Variants in MSANTD2 observed in about 807,000 individuals in gnomAD.
MSANTD2 encodes myb/SANT-like DNA-binding domain-containing protein 2.
A neutral mutation model predicts 52.6 loss-of-function variants in MSANTD2; 19 were observed. The ratio of observed to expected loss-of-function variants is 0.36; its 90% CI spans 0.25 to 0.53. MSANTD2 has a LOEUF of 0.53. MSANTD2 is among the 20% of genes least tolerant of loss of function. MSANTD2 has a pLI of 0.91. For synonymous variants in MSANTD2, 291 were observed against 289.7 expected (o/e 1.00, Z -0.04); for missense variants, 558 against 716.3 (o/e 0.78, Z 2.52).
chr11:124,794,408 C>T (rs937750649), intron 1 of MSANTD2, among the ~76,000 whole-genome samples: 10 of 152,174 alleles, frequency 6.6e-5, no homozygotes, highest in Admixed American at 3.9e-4. Flanking sequence ...CATCAAGCAT[C>T]TGTCAAATTC....
At chr11:124,796,415 T>G (rs1945495586) in intron 1 of MSANTD2, among the ~76,000 whole-genome samples, 1 of 152,192 alleles carries the variant, frequency 6.6e-6, no homozygotes, top group African/African-American at 2.4e-5. Context: ...AAGAAATTAT[T>G]TACTGGGTTT....
intron 1 of MSANTD2, among the ~76,000 whole-genome samples, chr11:124,796,509 T>TG (rs2135275285): frequency 6.6e-6 from 1 of 152,276 alleles, no homozygotes; most frequent in South Asian, 2.1e-4. Context: ...ACAGGTGCTA[T>TG]GATCATGGCA....
At chr11:124,797,260 G>T (rs879677799) in intron 1 of MSANTD2, among the ~76,000 whole-genome samples, 7 of 152,166 alleles carry the variant, frequency 4.6e-5, no homozygotes, top group Admixed American at 4.6e-4. Flanking sequence ...CAAGGCAGGC[G>T]GATCGCTTGA....
intron 1 of MSANTD2, among the ~76,000 whole-genome samples, chr11:124,777,205 G>A (rs1316402721): frequency 2.0e-5 from 3 of 152,136 alleles, no homozygotes; most frequent in Admixed American, 6.5e-5. Context: ...TCCAAGGACC[G>A]TAAATGGAGA....
chr11:124,795,556 A>G (rs1000944973), intron 1 of MSANTD2, among the ~76,000 whole-genome samples: 31 of 152,248 alleles, frequency 2.0e-4, no homozygotes, highest in African/African-American at 5.5e-4. Flanking sequence ...AATAACACTA[A>G]ATCAAGTACC....
chr11:124,768,141 T>C (rs1944370865), intron 3 of MSANTD2, 113 bp from the exon 4 acceptor site: 3 of 913,934 alleles, frequency 3.3e-6, no homozygotes, highest in Non-Finnish European at 4.9e-6. Context: ...TGGTGGCCAC[T>C]AGAACATGAA....
chr11:124,799,746 G>C (rs907598018), intron 1 of MSANTD2, 125 bp downstream of exon 1: 6 of 635,312 alleles, frequency 9.4e-6, no homozygotes, highest in African/African-American at 7.8e-5. Flanking sequence ...AGGCGGAGGA[G>C]ATGCGAATCG....
chr11:124,794,261 A>C (rs1485283047), intron 1 of MSANTD2, among the ~76,000 whole-genome samples: 2 of 152,210 alleles, frequency 1.3e-5, no homozygotes, highest in Non-Finnish European at 2.9e-5. Flanking sequence ...TGTATTTCCA[A>C]AATGCCAGAA....
At chr11:124,783,613 C>T (rs1945059446) in intron 1 of MSANTD2, 1 of 594,634 alleles carries the variant, frequency 1.7e-6, no homozygotes, top group East Asian at 1.4e-4. Context: ...GAGTGAGACT[C>T]TGTCTCAAAA....
intron 1 of MSANTD2, among the ~76,000 whole-genome samples, chr11:124,781,084 G>A (rs1385924413): frequency 6.6e-6 from 1 of 151,756 alleles, no homozygotes; most frequent in Non-Finnish European, 1.5e-5. Flanking sequence ...TCGGGAAGCT[G>A]AGGCAGGAGA....
At chr11:124,782,592 T>A (rs1025149867) in intron 1 of MSANTD2, among the ~76,000 whole-genome samples, 4 of 152,220 alleles carry the variant, frequency 2.6e-5, no homozygotes, top group African/African-American at 9.6e-5. Flanking sequence ...GAGTTTGGCA[T>A]ATGAAAATTA....
At chr11:124,786,421 T>C (rs1945164369) in intron 1 of MSANTD2, among the ~76,000 whole-genome samples, 1 of 152,234 alleles carries the variant, frequency 6.6e-6, no homozygotes. Context: ...ACACATTAGG[T>C]AAACAATGGC....
rs766482311 is a variant in MSANTD2, at chr11:124,767,372, G to A, written c.1484C>T (p.Ala495Val). 2.4e-5 allele frequency: 39 copies of A among 1,614,160 alleles called. No homozygotes were observed. Among genetic ancestry groups the A allele is most frequent in the Middle Eastern group, 1.6e-4 (1 of 6,062 alleles). The change falls in exon 4 of 4, where the codon GCG becomes GTG. Residue 495 changes from alanine to valine, a missense_variant. By Grantham distance (64) the Ala-to-Val change is moderately conservative. Coordinates refer to ENST00000374979, the MANE Select transcript of MSANTD2 (RefSeq NM_001308027.2). The surrounding 1 kb of genome is among the most constrained non-coding windows in gnomAD (Gnocchi z 6.5). Reference sequence around the variant, plus strand: ...ATCTTTGCTGAAGGTTTTGGTATTCGCTTGGAAATGTAAAAATAAGCACTG... The same window carrying A: ...ATCTTTGCTGAAGGTTTTGGTATTCACTTGGAAATGTAAAAATAAGCACTG... ...LQQCLFLHFQ[A>V]NTKTFSKDWV...
chr11:124,777,481 ACT>A (rs1944788067), intron 1 of MSANTD2, among the ~76,000 whole-genome samples: 3 of 152,042 alleles, frequency 2.0e-5, no homozygotes, highest in African/African-American at 7.2e-5. Flanking sequence ...CACAGCAAAG[ACT>A]CTTACTCTCT....
At chr11:124,780,491 T>C (rs1480955259) in intron 1 of MSANTD2, among the ~76,000 whole-genome samples, 3 of 152,226 alleles carry the variant, frequency 2.0e-5, no homozygotes, top group African/African-American at 7.2e-5. Context: ...TATTCTTCAA[T>C]CTTTTGCTTT....
chr11:124,784,034 A>G, intron 1 of MSANTD2: 1 of 985,382 alleles, frequency 1.0e-6, no homozygotes, highest in Non-Finnish European at 1.2e-6. Flanking sequence ...TTACAAGAAT[A>G]CAGGTCAAAA....
chr11:124,772,952 T>A, intron 3 of MSANTD2, 42 bp downstream of exon 3: 2 of 1,270,616 alleles, frequency 1.6e-6, no homozygotes, highest in Non-Finnish European at 2.3e-6. Context: ...GTCATTAAAC[T>A]TAGGCAGACA....
chr11:124,789,213 T>C (rs1261479091), intron 1 of MSANTD2: 1 of 152,232 alleles, frequency 6.6e-6, no homozygotes, highest in Non-Finnish European at 1.5e-5. Context: ...GAAAAGTATT[T>C]GCAACTTAAA....
chr11:124,791,547 G>A (rs1449058659), intron 1 of MSANTD2: 2 of 1,184,506 alleles, frequency 1.7e-6, no homozygotes, highest in Non-Finnish European at 2.5e-6. Context: ...GGTGCAGACA[G>A]AAGGGTCACC....
Sources: gnomAD v4.1 joint callset for allele counts (sites outside exome capture counted in the v4.1 genomes callset) on GRCh38, gnomAD v4.1.1 for gene constraint, Gnocchi (gnomAD v3.1) non-coding constraint, MANE v1.5 for transcripts, NCBI Gene and HGNC (gene_info 2026-07-23, HGNC 2026-07-21) for gene names.